UNC79: variants seen among roughly 807,000 people sequenced by gnomAD.
UNC79 encodes the protein protein unc-79 homolog.
Under a neutral mutation model 283.1 loss-of-function variants are expected in UNC79, and 37 were observed. The observed-to-expected ratio is 0.13, with a 90% CI of 0.10 to 0.17. The LOEUF is 0.17. Ranked by LOEUF, UNC79 falls within the 10% of genes least tolerant of loss-of-function variation. The pLI is 1.00. For missense variants in UNC79, 2,272 were observed against 3,211.1 expected (o/e 0.71, Z 7.07); for synonymous variants, 1,107 against 1,200.2 (o/e 0.92, Z 1.61).
intron 30 of UNC79, among the ~76,000 whole-genome samples, chr14:93,628,365 T>C (rs1420726584): frequency 6.6e-6 from 1 of 152,162 alleles, no homozygotes; most frequent in Non-Finnish European, 1.5e-5. Context: ...AACTGCCAAA[T>C]ATCTGTCTGG....
intron 41 of UNC79, among the ~76,000 whole-genome samples, chr14:93,674,604 C>T (rs1170980878): frequency 6.6e-6 from 1 of 152,180 alleles, no homozygotes; most frequent in Non-Finnish European, 1.5e-5. Context: ...AGACCAGTCC[C>T]AGAGTCTGGG....
chr14:93,393,720 C>T (rs1484124919), intron 1 of UNC79, among the ~76,000 whole-genome samples: 1 of 152,118 alleles, frequency 6.6e-6, no homozygotes, highest in Non-Finnish European at 1.5e-5. Flanking sequence ...TTTTAAAAAG[C>T]CATACCATTA....
intron 1 of UNC79, among the ~76,000 whole-genome samples, chr14:93,452,550 A>C (rs1183848306): frequency 6.6e-6 from 1 of 151,838 alleles, no homozygotes; most frequent in Admixed American, 6.6e-5. Context: ...CACCATGCCC[A>C]GCTAATTTTT....
At chr14:93,465,063 C>T (rs2057114101) in intron 1 of UNC79, among the ~76,000 whole-genome samples, 1 of 152,124 alleles carries the variant, frequency 6.6e-6, no homozygotes, top group African/African-American at 2.4e-5. Context: ...TAAAAATGGT[C>T]TTTCATGATT....
At chr14:93,404,493 A>AAAAAAAAATATAT in intron 1 of UNC79, among the ~76,000 whole-genome samples, 26 of 61,492 alleles carry the variant, frequency 4.2e-4, no homozygotes, top group East Asian at 1.1e-3. Context: ...TTCTAAAAAA[A>AAAAAAAAATATAT]ATATATATAT....
At chr14:93,657,336 G>A (rs1248183133) in intron 38 of UNC79, among the ~76,000 whole-genome samples, 1 of 148,960 alleles carries the variant, frequency 6.7e-6, no homozygotes, top group Non-Finnish European at 1.5e-5. Flanking sequence ...GAAGGGATGG[G>A]ATGAGGTATG....
chr14:93,697,838 A>G (rs978695075), intron 47 of UNC79, among the ~76,000 whole-genome samples: 4 of 152,192 alleles, frequency 2.6e-5, no homozygotes, highest in Admixed American at 6.5e-5. Flanking sequence ...GTAGAGCACA[A>G]TGATTTGAGA....
At chr14:93,450,734 T>G (rs1204217864) in intron 1 of UNC79, among the ~76,000 whole-genome samples, 1 of 152,196 alleles carries the variant, frequency 6.6e-6, no homozygotes, top group East Asian at 1.9e-4. Context: ...TGTCCCTAGT[T>G]TCTGACATTT....
At chr14:93,355,418 C>T (rs887372893) in intron 1 of UNC79, among the ~76,000 whole-genome samples, 2 of 152,120 alleles carry the variant, frequency 1.3e-5, no homozygotes, top group Middle Eastern at 3.2e-3. Context: ...AGGCTGGTCT[C>T]GAACACTTGA....
At chr14:93,405,020 T>A (rs1057009087) in intron 1 of UNC79, among the ~76,000 whole-genome samples, 5 of 152,092 alleles carry the variant, frequency 3.3e-5, no homozygotes, top group Admixed American at 3.3e-4. Context: ...GGGTGGTTCA[T>A]GCCTGTAATG....
rs1249086100 is a variant in UNC79 at position 93,531,333 on chromosome 14, A to AGACATT, written c.1094-1216_1094-1211dup. On this transcript the variant is annotated intron_variant, in intron 10 of 48. Transcript: ENST00000555664. The surrounding 1 kb of genome is among the most constrained non-coding windows in gnomAD (Gnocchi z 4.2). Reference sequence around the variant, plus strand: ...TTAAGATTACCAGACAGGGTTTGGGAGACATTTACCTTTGATCTTTTAAAT... The same window carrying AGACATT: ...TTAAGATTACCAGACAGGGTTTGGGAGACATTGACATTTACCTTTGATCTTTTAAAT... Among the ~76,000 whole-genome samples, 2 of 152,214 alleles carry AGACATT rather than the reference A, an allele frequency of 1.3e-5. No homozygotes were observed. Among genetic ancestry groups the AGACATT allele is most frequent in the African/African-American group, 4.8e-5 (2 of 41,448 alleles).
At chr14:93,340,170 C>T (rs892515431) in intron 1 of UNC79, among the ~76,000 whole-genome samples, 8 of 152,134 alleles carry the variant, frequency 5.3e-5, no homozygotes, top group Admixed American at 2.0e-4. Context: ...ATGCTGGGTG[C>T]GGTGGCTCAT....
At chr14:93,542,501 A>G (rs2061425266) in exon 14 of UNC79, 1 of 1,614,194 alleles carries the variant, frequency 6.2e-7, no homozygotes, top group Admixed American at 1.7e-5. Flanking sequence ...ACACGCCTAC[A>G]GAAAGCTTGG....
chr14:93,586,853 A>G (rs747343621), exon 22 of UNC79: 3 of 1,614,076 alleles, frequency 1.9e-6, no homozygotes, highest in South Asian at 1.1e-5. Context: ...ATACATTGCC[A>G]GAAAAGATCA....
At chr14:93,653,780 A>G (rs150567556) in exon 36 of UNC79, 4 of 1,613,574 alleles carry the variant, frequency 2.5e-6, no homozygotes, top group Non-Finnish European at 3.4e-6. Context: ...GTGGCCAAGC[A>G]GTTCCTGCGC....
chr14:93,634,993 C>A (rs1460139825), intron 31 of UNC79, among the ~76,000 whole-genome samples: 4 of 152,106 alleles, frequency 2.6e-5, no homozygotes, highest in Admixed American at 2.6e-4. Flanking sequence ...ACAAAGTACG[C>A]CCCAAATGAG....
chr14:93,603,705 G>T (rs2065678078), intron 26 of UNC79, among the ~76,000 whole-genome samples: 1 of 152,268 alleles, frequency 6.6e-6, no homozygotes, highest in Admixed American at 6.5e-5. Flanking sequence ...AGAAACATTT[G>T]CTCCTAAGTC....
At chr14:93,363,973 G>A (rs2054276802) in intron 1 of UNC79, among the ~76,000 whole-genome samples, 1 of 151,988 alleles carries the variant, frequency 6.6e-6, no homozygotes, top group South Asian at 2.1e-4. Context: ...ACCTGCCTTG[G>A]CCTCCCAAAG....
chr14:93,468,286 G>A (rs1566806), intron 2 of UNC79, among the ~76,000 whole-genome samples: 83,482 of 151,882 alleles, frequency 0.55, 23,241 homozygotes, highest in Admixed American at 0.64. Flanking sequence ...TTCTATGAAG[G>A]ACAAGGAAAA....
Sources: gnomAD v4.1 joint callset for allele counts (sites outside exome capture counted in the v4.1 genomes callset) on GRCh38, gnomAD v4.1.1 for gene constraint, Gnocchi (gnomAD v3.1) non-coding constraint, MANE v1.5 for transcripts, NCBI Gene and HGNC (gene_info 2026-07-23, HGNC 2026-07-21) for gene names.